LYPD5: variants seen among roughly 807,000 people sequenced by gnomAD.
LYPD5 encodes LY6/PLAUR domain containing 5.
In LYPD5, 21 loss-of-function variants were observed where a neutral mutation model predicts 19.1. That is an observed-to-expected ratio of 1.10 (90% CI 0.78 to 1.58). The LOEUF (loss-of-function observed/expected upper bound fraction) is 1.58. Among genes scored for constraint, LYPD5 ranks in the 40% most tolerant of loss-of-function variants. LYPD5 has a pLI of 0.00. For synonymous variants in LYPD5, 128 were observed against 142.7 expected, an observed-to-expected ratio of 0.90 and a Z score of 0.74; for missense variants, 287 against 329.8, an observed-to-expected ratio of 0.87 and a Z score of 1.00.
chr19:43,802,757 C>T (rs1970239363), upstream of LYPD5, among the ~76,000 whole-genome samples: 1 of 152,102 alleles, frequency 6.6e-6, no homozygotes, highest in Non-Finnish European at 1.5e-5. Flanking sequence ...ACACAGCTTC[C>T]AATCCTGGGA....
chr19:43,814,982 T>G (rs889464265), intron 1 of LYPD5, among the ~76,000 whole-genome samples: 1 of 152,226 alleles, frequency 6.6e-6, no homozygotes, highest in Non-Finnish European at 1.5e-5. Flanking sequence ...ATATGCTGCA[T>G]AATAAATGGA....
At chr19:43,802,570 C>G, upstream of LYPD5, 1 of 587,060 alleles carries the variant, frequency 1.7e-6, no homozygotes, top group South Asian at 2.0e-5. Flanking sequence ...TGCTGGAGAT[C>G]TACACTTCTG....
Position 43,798,517 on chromosome 19 carries a change from C to A in LYPD5, c.455G>T (p.Arg152Leu). 6.2e-7 allele frequency: 1 copy of A among 1,609,728 alleles called. No homozygotes were observed. Among genetic ancestry groups the A allele is most frequent in the East Asian group, 2.2e-5 (1 of 44,876 alleles). ...CTGGTCCTGGTGACACTGGACTCGT[C>A]GGGACCTGCCGATAGCGCAGTCATC... ...HQDDCAIGRS[R>L]RVQCHQDQTA... The change falls in exon 4 of 5, where the codon CGA (arginine) becomes CTA (leucine). Residue 152 changes from arginine to leucine, a missense_variant. By Grantham distance (102) the Arg-to-Leu change is moderately radical (BLOSUM62 -2). Coordinates refer to ENST00000377950, the MANE Select transcript of LYPD5 (RefSeq NM_001031749.3).
At chr19:43,802,553 CCT>C, upstream of LYPD5, 2 of 434,942 alleles carry the variant, frequency 4.6e-6, no homozygotes, top group Non-Finnish European at 4.0e-6. Context: ...ACAGGGTGAT[CCT>C]CAGTTGCTGG....
intron 1 of LYPD5, among the ~76,000 whole-genome samples, chr19:43,819,069 A>C (rs1432858830): frequency 1.3e-5 from 2 of 151,894 alleles, no homozygotes; most frequent in African/African-American, 4.8e-5. Flanking sequence ...CATCTTTTGA[A>C]ATAATCTATT....
chr19:43,799,907 C>T lies in LYPD5; in HGVS notation c.65-73G>A. The T allele has an allele frequency of 1.3e-6, 2 of 1,505,618 alleles. 1 individual carries two copies. 93.3% of individuals were successfully genotyped at this position (1,505,618 alleles called of 1,614,324 possible). Reference sequence around the variant, plus strand: ...CCCAGGAACTCAGAGCTCCACCCAGCAAATGACAGGCACACGGGCCTGGCC... The same window carrying T: ...CCCAGGAACTCAGAGCTCCACCCAGTAAATGACAGGCACACGGGCCTGGCC... On this transcript the variant is annotated intron_variant, in intron 1 of 4. Coordinates refer to ENST00000377950, the MANE Select transcript of LYPD5 (RefSeq NM_001031749.3).
intron 1 of LYPD5, among the ~76,000 whole-genome samples, chr19:43,815,241 C>G (rs1386133984): frequency 6.6e-6 from 1 of 151,854 alleles, no homozygotes; most frequent in African/African-American, 2.4e-5. Context: ...TGATGGGTCA[C>G]GCCTGTAATC....
chr19:43,798,967 A>G lies in LYPD5; in HGVS notation c.215T>C (p.Leu72Pro), dbSNP rs760875131. 6.3e-7 allele frequency: 1 copy of G among 1,579,614 alleles called. No homozygotes were observed. The highest frequency in any genetic ancestry group is 1.2e-5 in the South Asian group (1 of 86,572). Reference protein sequence around the residue: ...LDTGYRAPVTLVRKGCWTGPP... With the variant: ...LDTGYRAPVTPVRKGCWTGPP... Reference sequence around the variant, plus strand: ...CCCGGTCCAGCAGCCCTTCCGCACCAGGGTCACCGGCGCGCGATACCCTGG... The same window carrying G: ...CCCGGTCCAGCAGCCCTTCCGCACCGGGGTCACCGGCGCGCGATACCCTGG... Residue 72 changes from leucine to proline, a missense_variant, in exon 3 of 5, where the codon CTG (leucine) becomes CCG (proline). Coordinates refer to ENST00000377950, the MANE Select transcript of LYPD5 (RefSeq NM_001031749.3).
At chr19:43,800,011 G>T in intron 1 of LYPD5, 177 bp from the exon 2 acceptor site, 2 of 689,874 alleles carry the variant, frequency 2.9e-6, no homozygotes, top group Non-Finnish European at 4.6e-6. Flanking sequence ...CTGTCTCATG[G>T]CAGAGTAATG....
chr19:43,807,500 T>C (rs1599696550), intron 1 of LYPD5, among the ~76,000 whole-genome samples: 1 of 152,240 alleles, frequency 6.6e-6, no homozygotes, highest in Non-Finnish European at 1.5e-5. Context: ...GCCAGGCTGG[T>C]CTCGAACTCC....
intron 4 of LYPD5, among the ~76,000 whole-genome samples, chr19:43,798,218 C>G (rs1241784647): frequency 6.7e-6 from 1 of 150,236 alleles, no homozygotes; most frequent in Non-Finnish European, 1.5e-5. Flanking sequence ...CATGCCTCCT[C>G]CCTCAGACCA....
chr19:43,804,395 GACAGAATAACTCCATGTGATGGA>G (rs1568404841), upstream of LYPD5, among the ~76,000 whole-genome samples: 323 of 151,884 alleles, frequency 2.1e-3, 2 homozygotes, highest in African/African-American at 7.2e-3. Context: ...ACATCCCATT[GACAGAATAACTCCATGTGATGGA>G]CACATCCCAT....
intron 1 of LYPD5, among the ~76,000 whole-genome samples, chr19:43,815,954 G>A (rs1216759166): frequency 7.9e-5 from 12 of 151,896 alleles, no homozygotes; most frequent in African/African-American, 1.5e-4. Flanking sequence ...GGCTGGTCTC[G>A]AACTCCTAAC....
intron 1 of LYPD5, among the ~76,000 whole-genome samples, chr19:43,812,930 G>T (rs922182085): frequency 6.6e-6 from 1 of 152,192 alleles, no homozygotes; most frequent in African/African-American, 2.4e-5. Context: ...ATGGCACACT[G>T]GCGGGAGTGT....
intron 2 of LYPD5, among the ~76,000 whole-genome samples, chr19:43,799,223 C>T (rs1387062138): frequency 2.6e-5 from 4 of 151,850 alleles, no homozygotes; most frequent in Non-Finnish European, 4.4e-5. Flanking sequence ...TTCCTCCCCT[C>T]ACCGCTCGTC....
intron 1 of LYPD5, 158 bp from the exon 2 acceptor site, chr19:43,799,992 C>G: frequency 1.2e-6 from 1 of 845,984 alleles, no homozygotes; most frequent in South Asian, 1.8e-5. Context: ...CAGCTGGTCA[C>G]AGCTGTGTCT....
At chr19:43,800,654 A>G (rs1970211033) in intron 1 of LYPD5, among the ~76,000 whole-genome samples, 1 of 152,128 alleles carries the variant, frequency 6.6e-6, no homozygotes, top group African/African-American at 2.4e-5. Context: ...GATCACAAAA[A>G]CATACAGTTT....
chr19:43,803,752 GTGGAGGT>G (rs1199527732), upstream of LYPD5, among the ~76,000 whole-genome samples: 3 of 152,002 alleles, frequency 2.0e-5, no homozygotes, highest in Non-Finnish European at 4.4e-5. Flanking sequence ...GACTGAATGC[GTGGAGGT>G]AGAACCTGTG....
At chr19:43,801,608 G>A (rs538941517) in intron 1 of LYPD5, among the ~76,000 whole-genome samples, 31 of 152,240 alleles carry the variant, frequency 2.0e-4, no homozygotes, top group Middle Eastern at 3.4e-3. Flanking sequence ...AATTACACAC[G>A]CATCTCTTTT....
Sources: allele counts gnomAD v4.1 joint callset (sites outside exome capture counted in the v4.1 genomes callset), GRCh38; gene constraint gnomAD v4.1.1; transcripts MANE v1.5; gene names NCBI Gene and HGNC (gene_info 2026-07-23, HGNC 2026-07-21).